Variants in GDPD1 observed in about 807,000 individuals in gnomAD.
The protein encoded by GDPD1 is glycerophosphodiester phosphodiesterase domain containing 1, also known as lysophospholipase D GDPD1.
In GDPD1, 28 loss-of-function variants were observed where a neutral mutation model predicts 45.1. The ratio of observed to expected loss-of-function variants is 0.62; its 90% CI spans 0.46 to 0.85. The LOEUF (loss-of-function observed/expected upper bound fraction) is 0.85. Ranked by LOEUF, GDPD1 falls within the 40% of genes least tolerant of loss-of-function variation. The probability of loss-of-function intolerance (pLI) is 0.00; values close to 1 mark genes in which losing one functional copy is unlikely to be tolerated. For missense variants in GDPD1, 256 were observed against 364.8 expected, an observed-to-expected ratio of 0.70 and a Z score of 2.43; for synonymous variants, 139 against 131.4, an observed-to-expected ratio of 1.06 and a Z score of -0.40.
intron 7 of GDPD1, among the ~76,000 whole-genome samples, chr17:59,270,197 CTTT>C (rs763544418): frequency 1.4e-5 from 2 of 143,162 alleles, no homozygotes; most frequent in Non-Finnish European, 3.1e-5. Context: ...TTATTTTGTA[CTTT>C]TTTTTTTTTT....
intron 7 of GDPD1, among the ~76,000 whole-genome samples, chr17:59,269,478 C>T (rs933243136): frequency 7.3e-6 from 1 of 136,150 alleles, no homozygotes; most frequent in Non-Finnish European, 1.5e-5. Flanking sequence ...CTTGTCTACC[C>T]CCCCCCCCAA....
At chr17:59,231,812 T>A (rs951370648) in intron 1 of GDPD1, among the ~76,000 whole-genome samples, 2 of 152,084 alleles carry the variant, frequency 1.3e-5, no homozygotes, top group African/African-American at 4.8e-5. Context: ...TAAAATTATT[T>A]AAAATTATTT....
At position 59,240,846 on chromosome 17, in the gene GDPD1, A is replaced by G. The variant is rs114940784; in HGVS notation, c.186-4568A>G. ...CTACAGTACTGTATAGTAATGTCCT[A>G]TGCCTTCCATTCACTCACCACTCAC... On this transcript the variant is annotated intron_variant, in intron 2 of 9. Transcript: ENST00000284116. Among the ~76,000 whole-genome samples the G allele has an allele frequency of 4.8e-3, 736 of 152,284 alleles. 9 individuals carry two copies. Among genetic ancestry groups the G allele is most frequent in the African/African-American group, 0.017 (691 of 41,554 alleles).
chr17:59,220,740 C>T lies in GDPD1; in HGVS notation c.131C>T (p.Ser44Phe), dbSNP rs772718539. 6.2e-7 allele frequency: 1 copy of T among 1,613,460 alleles called. No individual in the cohort carries two copies. The highest frequency in any genetic ancestry group is 8.5e-7 in the Non-Finnish European group (1 of 1,179,950). ...CAGCGATTCCTCAGTAAACACATCT[C>T]TCACCGCGGAGGTGAGAGGGGTCCC... ...KKQRFLSKHI[S>F]HRGGAGENLE... is the part of the protein sequence containing the mutation. The change falls in exon 1 of 10, where the codon TCT becomes TTT. Residue 44 changes from serine to phenylalanine, a missense_variant. By Grantham distance (155) the Ser-to-Phe change is radical (BLOSUM62 -2). Transcript: ENST00000284116.
chr17:59,246,248 A>C (rs1384308667), intron 3 of GDPD1, among the ~76,000 whole-genome samples: 6 of 152,156 alleles, frequency 3.9e-5, no homozygotes, highest in Non-Finnish European at 8.8e-5. Flanking sequence ...ATGTAGAAGG[A>C]TTCTACCTTT....
intron 2 of GDPD1, among the ~76,000 whole-genome samples, chr17:59,244,148 A>G (rs1393811034): frequency 6.6e-6 from 1 of 152,142 alleles, no homozygotes; most frequent in African/African-American, 2.4e-5. Flanking sequence ...TGAGAGATCA[A>G]GTGCCCAGTT....
chr17:59,234,043 A>G (rs2147878353), intron 1 of GDPD1, among the ~76,000 whole-genome samples: 1 of 152,232 alleles, frequency 6.6e-6, no homozygotes, highest in South Asian at 2.1e-4. Context: ...TCCAGGCCCA[A>G]GCATTTTGGA....
intron 2 of GDPD1, 55 bp from the exon 3 acceptor site, chr17:59,245,359 T>G: frequency 6.8e-7 from 1 of 1,478,030 alleles, no homozygotes; most frequent in South Asian, 1.2e-5. Flanking sequence ...ATCTCATGCA[T>G]GTAACCCAAA....
At chr17:59,261,913 C>CTTTTTTTCT (rs2047358703) in intron 6 of GDPD1, among the ~76,000 whole-genome samples, 1 of 79,350 alleles carries the variant, frequency 1.3e-5, no homozygotes, top group Admixed American at 1.6e-4. Context: ...AGATTACAGG[C>CTTTTTTTCT]TTTTTTTTTT....
At chr17:59,250,634 C>T (rs1317469170) in intron 4 of GDPD1, among the ~76,000 whole-genome samples, 2 of 128,930 alleles carry the variant, frequency 1.6e-5, no homozygotes, top group African/African-American at 6.7e-5. Flanking sequence ...AAAAAAAAAT[C>T]CTTTGAGGAA....
In GDPD1 at chr17:59,273,650, G is replaced by T; in HGVS notation, c.823-1G>T. The T allele has an allele frequency of 6.9e-7, 1 of 1,459,358 alleles. No individual in the cohort carries two copies. The highest frequency in any genetic ancestry group is 9.4e-7 in the Non-Finnish European group (1 of 1,060,702). The allele number at this position is 1,459,358 out of a possible 1,614,324, so 90.4% of individuals were successfully genotyped here. A position where few individuals can be genotyped will look rare whatever the true frequency, so the allele number is the denominator to read the frequency against. Reference sequence around the variant, plus strand: ...ATACTTCTCACACTTCTAATTTTCAGGTGTATATTTGGGTATTAAATGAAG... The same window carrying T: ...ATACTTCTCACACTTCTAATTTTCATGTGTATATTTGGGTATTAAATGAAG... On this transcript the variant is annotated splice_acceptor_variant, in intron 9 of 9. Coordinates refer to ENST00000284116, the MANE Select transcript of GDPD1 (RefSeq NM_182569.4). LOFTEE classifies it high-confidence loss of function.
chr17:59,241,356 C>T (rs554000462), intron 2 of GDPD1, among the ~76,000 whole-genome samples: 11 of 152,222 alleles, frequency 7.2e-5, no homozygotes, highest in Admixed American at 3.9e-4. Context: ...TCGCTTTTGT[C>T]GCCCAAGCTG....
chr17:59,228,041 G>A (rs549309283), intron 1 of GDPD1, among the ~76,000 whole-genome samples: 34 of 151,940 alleles, frequency 2.2e-4, no homozygotes, highest in Admixed American at 5.3e-4. Context: ...GTGTGGTGGC[G>A]CACGCCTGTA....
intron 1 of GDPD1, among the ~76,000 whole-genome samples, chr17:59,232,330 G>A (rs1468715697): frequency 6.6e-6 from 1 of 151,882 alleles, no homozygotes; most frequent in Non-Finnish European, 1.5e-5. Flanking sequence ...TATGCCTGTA[G>A]TCCCAGCTGC....
intron 1 of GDPD1, among the ~76,000 whole-genome samples, chr17:59,229,077 C>T (rs780152914): frequency 1.3e-4 from 19 of 149,736 alleles, no homozygotes; most frequent in Non-Finnish European, 2.7e-4. Flanking sequence ...GTAGAAAATT[C>T]CTAGTAAAAA....
In GDPD1 at chr17:59,275,155, T is replaced by C. The variant is rs1323013058; in HGVS notation, c.*1382T>C. On this transcript the variant is annotated 3_prime_UTR_variant, in exon 10 of 10. Transcript: ENST00000284116. The stretch of plus-strand genomic sequence containing the variant: ...CTGCACCCGGCCAGTAAAAGAAATT[T>C]TGAAGGCCATTGCAGCTATTTGGTA... 9.1e-6 allele frequency: 14 copies of C among 1,537,096 alleles called. No homozygotes were observed. Among genetic ancestry groups the C allele is most frequent in the Middle Eastern group, 1.7e-4 (1 of 5,962 alleles).
chr17:59,266,055 G>T (rs946260736), intron 6 of GDPD1, among the ~76,000 whole-genome samples: 1 of 151,046 alleles, frequency 6.6e-6, no homozygotes. Flanking sequence ...GGTGGCGGGG[G>T]GTGGGGGTGG....
At chr17:59,233,982 A>G (rs540269567) in intron 1 of GDPD1, among the ~76,000 whole-genome samples, 67 of 152,254 alleles carry the variant, frequency 4.4e-4, no homozygotes, top group Non-Finnish European at 8.4e-4. Flanking sequence ...ATCTCTCATT[A>G]TATATATGCA....
chr17:59,270,458 C>T lies in GDPD1; in HGVS notation c.711-478C>T, dbSNP rs55655203. Among the ~76,000 whole-genome samples the T allele has an allele frequency of 2.4e-3, 366 of 152,100 alleles. 1 individual carries two copies. Among genetic ancestry groups the T allele is most frequent in the African/African-American group, 8.5e-3 (352 of 41,500 alleles). On this transcript the variant is annotated intron_variant, in intron 7 of 9. Transcript: ENST00000284116. ...AGGTGATGCACCAGCCTCAGCCTCCCAAAGTGCTGGGATTACAGACATGAG... is the reference window on the plus strand; with the variant it reads ...AGGTGATGCACCAGCCTCAGCCTCCTAAAGTGCTGGGATTACAGACATGAG...
Sources: allele counts gnomAD v4.1 joint callset (sites outside exome capture counted in the v4.1 genomes callset), GRCh38; gene constraint gnomAD v4.1.1; transcripts MANE v1.5; gene names NCBI Gene and HGNC (gene_info 2026-07-23, HGNC 2026-07-21).